The following SOX5 variants were observed in gnomAD, a reference collection of about 807,000 sequenced individuals.
SOX5 encodes transcription factor SOX-5.
Under a neutral mutation model 92.0 loss-of-function variants are expected in SOX5, and 9 were observed. That is an observed-to-expected ratio of 0.10 (90% CI 0.06 to 0.17). The LOEUF (loss-of-function observed/expected upper bound fraction) is 0.17. SOX5 is among the 10% of genes least tolerant of loss of function. The pLI, the probability that SOX5 is intolerant of heterozygous loss-of-function variation, is 1.00. For missense variants in SOX5, 642 were observed against 944.5 expected (o/e 0.68, Z 4.20); for synonymous variants, 344 against 336.3 (o/e 1.02, Z -0.25).
At chr12:23,586,150 G>A (rs746398801) in intron 9 of SOX5, among the ~76,000 whole-genome samples, 17 of 152,052 alleles carry the variant, frequency 1.1e-4, no homozygotes, top group Non-Finnish European at 1.8e-4. Flanking sequence ...GTGTGTATGT[G>A]TCTGCATTTT....
chr12:24,124,351 G>A (rs975547330), intron 4 of SOX5, among the ~76,000 whole-genome samples: 4 of 152,076 alleles, frequency 2.6e-5, no homozygotes, highest in Non-Finnish European at 5.9e-5. Context: ...TCTTCTAATG[G>A]CCACAGAACA....
At position 24,421,698 on chromosome 12, in the gene SOX5, T is replaced by C. The variant is rs1407404026; in HGVS notation, c.-250-53059A>G. On this transcript the variant is annotated intron_variant, in intron 1 of 4. Transcript: ENST00000446891. The stretch of plus-strand genomic sequence containing the variant: ...GCTACCCAATAAAAATCAAATATGA[T>C]ACAAACGTTTGTAATTGTTGCTAAA... Among the ~76,000 whole-genome samples, 4 of 152,338 alleles carry C rather than the reference T, an allele frequency of 2.6e-5. No individual in the cohort carries two copies. The South Asian group carries it at 8.3e-4, about 32-fold the overall frequency.
chr12:24,027,253 T>C (rs1221344963), intron 4 of SOX5, among the ~76,000 whole-genome samples: 1 of 151,924 alleles, frequency 6.6e-6, no homozygotes, highest in Non-Finnish European at 1.5e-5. Flanking sequence ...CTGTGTTAAT[T>C]ACTCCAATGA....
At chr12:24,066,390 T>G (rs1940750465) in intron 4 of SOX5, among the ~76,000 whole-genome samples, 1 of 152,178 alleles carries the variant, frequency 6.6e-6, no homozygotes, top group African/African-American at 2.4e-5. Context: ...CTATGATAGC[T>G]TCCAATGAAG....
intron 7 of SOX5, among the ~76,000 whole-genome samples, chr12:23,648,204 C>T (rs2081120129): frequency 6.6e-6 from 1 of 152,036 alleles, no homozygotes; most frequent in South Asian, 2.1e-4. Context: ...GACAAAGAGA[C>T]ATGAAGTGAG....
At chr12:24,118,082 G>GTTA (rs1443100171) in intron 4 of SOX5, among the ~76,000 whole-genome samples, 1 of 151,204 alleles carries the variant, frequency 6.6e-6, no homozygotes, top group African/African-American at 2.4e-5. Context: ...TAGAAAAGTG[G>GTTA]TTACTAGAGG....
intron 3 of SOX5, among the ~76,000 whole-genome samples, chr12:23,757,341 C>A (rs2094423712): frequency 6.6e-6 from 1 of 151,824 alleles, no homozygotes; most frequent in Non-Finnish European, 1.5e-5. Context: ...CTTAAAATAT[C>A]CCAATTTCTA....
Position 23,625,664 on chromosome 12 carries a change from C to T in SOX5, c.1017+15148G>A, listed in dbSNP as rs560296141. Among the ~76,000 whole-genome samples, 31 of 152,120 alleles carry T rather than the reference C, an allele frequency of 2.0e-4. 1 individual carries two copies. The highest frequency in any genetic ancestry group is 2.1e-4 in the South Asian group (1 of 4,824). On this transcript the variant is annotated intron_variant, in intron 8 of 14. Transcript: ENST00000451604. ...TCGCTCCGTTGCCCAGGCTGGTGTG[C>T]GGTGGCGTGATCTTGGCTCACTGCA...
intron 1 of SOX5, among the ~76,000 whole-genome samples, chr12:24,539,270 A>C (rs1951907739): frequency 6.6e-6 from 1 of 152,194 alleles, no homozygotes; most frequent in Non-Finnish European, 1.5e-5. Context: ...GAAAAAAAAC[A>C]ACTGGGTAGT....
At chr12:24,086,619 C>A (rs1944025776) in intron 4 of SOX5, among the ~76,000 whole-genome samples, 1 of 151,922 alleles carries the variant, frequency 6.6e-6, no homozygotes, top group African/African-American at 2.4e-5. Flanking sequence ...GATATTTCAC[C>A]TACAAACCCA....
At chr12:23,645,035 T>C (rs2080648267) in intron 7 of SOX5, among the ~76,000 whole-genome samples, 1 of 152,204 alleles carries the variant, frequency 6.6e-6, no homozygotes, top group Admixed American at 6.5e-5. Context: ...ACATTTATCA[T>C]GAACAGAATT....
intron 4 of SOX5, among the ~76,000 whole-genome samples, chr12:24,068,716 A>G (rs1303077982): frequency 0.05 from 2,757 of 55,480 alleles, 34 homozygotes; most frequent in South Asian, 0.074. Context: ...ATATATATAT[A>G]TATATATATA....
intron 1 of SOX5, among the ~76,000 whole-genome samples, chr12:23,903,411 C>G (rs899422339): frequency 6.6e-6 from 1 of 152,028 alleles, no homozygotes; most frequent in African/African-American, 2.4e-5. Flanking sequence ...TGGGAGACTC[C>G]ATTTCTATAA....
intron 4 of SOX5, among the ~76,000 whole-genome samples, chr12:23,979,997 G>A (rs1211095313): frequency 3.3e-5 from 5 of 149,708 alleles, no homozygotes; most frequent in African/African-American, 1.2e-4. Context: ...AGATAGTAGA[G>A]ACAGAATCTC....
At chr12:24,394,334 C>A (rs888214822) in intron 1 of SOX5, among the ~76,000 whole-genome samples, 5 of 152,082 alleles carry the variant, frequency 3.3e-5, no homozygotes, top group African/African-American at 1.2e-4. Flanking sequence ...ATTAGTTTCC[C>A]AAAAGTCTTC....
At chr12:24,335,818 A>G (rs1024427283) in intron 2 of SOX5, among the ~76,000 whole-genome samples, 2 of 151,620 alleles carry the variant, frequency 1.3e-5, no homozygotes, top group Non-Finnish European at 2.9e-5. Context: ...CACATAAAAA[A>G]AAGTTTTCAG....
chr12:24,033,278 T>C (rs1455185238), intron 4 of SOX5, among the ~76,000 whole-genome samples: 1 of 151,942 alleles, frequency 6.6e-6, no homozygotes, highest in Non-Finnish European at 1.5e-5. Flanking sequence ...GTAAGTTAAA[T>C]ACCTAGCCAG....
In SOX5 at chr12:24,240,495, AC is replaced by A. The variant is rs1965362896; in HGVS notation, c.-76-27079del. 3.3e-5 allele frequency among the ~76,000 whole-genome samples: 5 copies of A among 152,204 alleles called. No individual in the cohort carries two copies. The South Asian group carries it at 1.0e-3, about 31-fold the overall frequency. ...AGTCGAATATCAAGATTTCCAGAAA[AC>A]AAAATTAAATTCTTAAACATGTACA... On this transcript the variant is annotated intron_variant, in intron 3 of 4. Coordinates refer to the SOX5 transcript ENST00000446891.
At chr12:23,845,809 TAGAC>T (rs147071442) in intron 3 of SOX5, among the ~76,000 whole-genome samples, 170 bp downstream of exon 3, 8 of 152,290 alleles carry the variant, frequency 5.3e-5, no homozygotes, top group East Asian at 3.9e-4. Context: ...AAAATTGAGA[TAGAC>T]AGGGCTAAGT....
Sources: gnomAD v4.1 joint callset for allele counts (sites outside exome capture counted in the v4.1 genomes callset) on GRCh38, gnomAD v4.1.1 for gene constraint, MANE v1.5 for transcripts, NCBI Gene and HGNC (gene_info 2026-07-23, HGNC 2026-07-21) for gene names.